PCDH15: variants seen among roughly 807,000 people sequenced by gnomAD.
PCDH15 encodes protocadherin-15.
In PCDH15, 129 loss-of-function variants were observed where a neutral mutation model predicts 178.5. That is an observed-to-expected ratio of 0.72 (90% CI 0.63 to 0.84). PCDH15 has a LOEUF of 0.84. Ranked by LOEUF, PCDH15 falls within the 40% of genes least tolerant of loss-of-function variation. The pLI is 0.00. For synonymous variants in PCDH15, 800 were observed against 732.0 expected (o/e 1.09, Z -1.50); for missense variants, 2,230 against 2,099.9 (o/e 1.06, Z -1.21).
chr10:54,804,334 T>G (rs1952739912), upstream of PCDH15, among the ~76,000 whole-genome samples: 1 of 152,170 alleles, frequency 6.6e-6, no homozygotes, highest in Non-Finnish European at 1.5e-5. Flanking sequence ...CCACCGCGCC[T>G]GCCAGCTGTC....
intron 7 of PCDH15, among the ~76,000 whole-genome samples, chr10:54,329,008 GT>G (rs2133872839): frequency 6.6e-6 from 1 of 151,994 alleles, no homozygotes; most frequent in Non-Finnish European, 1.5e-5. Context: ...CCATGTCTGT[GT>G]TTTACAAGCA....
At chr10:55,387,243 C>T (rs1837685329) in intron 2 of PCDH15, among the ~76,000 whole-genome samples, 1 of 152,000 alleles carries the variant, frequency 6.6e-6, no homozygotes, top group Non-Finnish European at 1.5e-5. Context: ...TTTTAAATCA[C>T]ATTCCAGAGA....
At chr10:54,168,420 C>A (rs1478368088) in intron 13 of PCDH15, among the ~76,000 whole-genome samples, 1 of 151,670 alleles carries the variant, frequency 6.6e-6, no homozygotes, top group South Asian at 2.1e-4. Flanking sequence ...TGACCTCTCC[C>A]TTCCTCCCCA....
intron 18 of PCDH15, among the ~76,000 whole-genome samples, chr10:54,044,667 TA>T (rs1188078397): frequency 1.3e-5 from 2 of 152,110 alleles, no homozygotes; most frequent in Non-Finnish European, 2.9e-5. Flanking sequence ...AATAAGCTGC[TA>T]CGAAGTGCAA....
At chr10:54,978,037 T>C (rs897214186) in intron 2 of PCDH15, among the ~76,000 whole-genome samples, 1 of 152,198 alleles carries the variant, frequency 6.6e-6, no homozygotes, top group African/African-American at 2.4e-5. Context: ...GTTCTTAATA[T>C]TTCTTACCTA....
At chr10:53,884,689 TCTC>T (rs2080966120) in intron 26 of PCDH15, among the ~76,000 whole-genome samples, 16 of 152,160 alleles carry the variant, frequency 1.1e-4, no homozygotes, top group Admixed American at 1.0e-3. Context: ...AGCAGCTTTA[TCTC>T]TACACCTCTT....
At chr10:54,837,156 C>A (rs193233181) in intron 3 of PCDH15, among the ~76,000 whole-genome samples, 1 of 151,864 alleles carries the variant, frequency 6.6e-6, no homozygotes, top group African/African-American at 2.4e-5. Context: ...AGATTTAAAC[C>A]ATCTTGAAAG....
chr10:54,977,602 T>C (rs1839106202), intron 2 of PCDH15, among the ~76,000 whole-genome samples: 1 of 152,216 alleles, frequency 6.6e-6, no homozygotes, highest in Non-Finnish European at 1.5e-5. Context: ...TAGCATATGA[T>C]GAATAAATAA....
intron 2 of PCDH15, among the ~76,000 whole-genome samples, chr10:54,980,873 A>G (rs972200209): frequency 6.6e-6 from 1 of 152,096 alleles, no homozygotes; most frequent in Non-Finnish European, 1.5e-5. Flanking sequence ...GAGAAATTGA[A>G]TATAGAAATG....
chr10:54,417,466 G>A (rs1954605198), intron 3 of PCDH15, among the ~76,000 whole-genome samples: 2 of 152,054 alleles, frequency 1.3e-5, no homozygotes, highest in Admixed American at 6.6e-5. Flanking sequence ...ACATAGTCTT[G>A]GGTGCTGAAT....
At chr10:54,385,069 C>A (rs930736995) in intron 3 of PCDH15, among the ~76,000 whole-genome samples, 1 of 152,044 alleles carries the variant, frequency 6.6e-6, no homozygotes, top group African/African-American at 2.4e-5. Context: ...ATATTCCAGG[C>A]AGAGAGAAAG....
intron 2 of PCDH15, among the ~76,000 whole-genome samples, chr10:54,943,882 C>T (rs562022603): frequency 6.7e-6 from 1 of 149,826 alleles, no homozygotes; most frequent in South Asian, 2.1e-4. Context: ...AAAAGCATGA[C>T]ATTCTGAGTA....
intron 8 of PCDH15, among the ~76,000 whole-genome samples, chr10:54,297,762 G>T (rs186984230): frequency 1.1e-3 from 162 of 152,282 alleles, no homozygotes; most frequent in Admixed American, 2.5e-3. Flanking sequence ...CAGACCTGGG[G>T]AACTTTTCAG....
intron 6 of PCDH15, among the ~76,000 whole-genome samples, chr10:54,338,455 T>A (rs1941612013): frequency 7.6e-6 from 1 of 131,770 alleles, no homozygotes; most frequent in South Asian, 2.4e-4. Flanking sequence ...GGATGGTGAT[T>A]TTTTTAAAAA....
At chr10:54,782,960 G>A (rs1408685632) in intron 1 of PCDH15, among the ~76,000 whole-genome samples, 1 of 151,780 alleles carries the variant, frequency 6.6e-6, no homozygotes, top group Non-Finnish European at 1.5e-5. Flanking sequence ...CAACACTCTA[G>A]GACACATCTA....
intron 1 of PCDH15, among the ~76,000 whole-genome samples, chr10:54,697,758 C>T (rs186719732): frequency 3.1e-4 from 44 of 141,856 alleles, no homozygotes; most frequent in African/African-American, 1.0e-3. Context: ...CAAGGAAGGC[C>T]GGCAGGAAGG....
chr10:54,913,816 C>T (rs1201117544), intron 2 of PCDH15, among the ~76,000 whole-genome samples: 5 of 152,186 alleles, frequency 3.3e-5, no homozygotes, highest in African/African-American at 1.2e-4. Context: ...TATTTTGGAG[C>T]TTTGAGATTT....
intron 2 of PCDH15, among the ~76,000 whole-genome samples, chr10:55,334,987 AACTGACT>A: frequency 6.6e-6 from 1 of 152,332 alleles, no homozygotes; most frequent in Admixed American, 6.5e-5. Flanking sequence ...AACCTGTTAT[AACTGACT>A]GAAATAAAGA....
At chr10:54,540,840 A>G (rs2085130598) in intron 2 of PCDH15, among the ~76,000 whole-genome samples, 3 of 152,196 alleles carry the variant, frequency 2.0e-5, no homozygotes, top group Admixed American at 2.0e-4. Flanking sequence ...CCTAGGATGC[A>G]AGATTGGTTC....
Sources: allele counts gnomAD v4.1 joint callset (sites outside exome capture counted in the v4.1 genomes callset), GRCh38; gene constraint gnomAD v4.1.1; transcripts MANE v1.5; gene names NCBI Gene and HGNC (gene_info 2026-07-23, HGNC 2026-07-21).